PRKX: variants seen among roughly 807,000 people sequenced by gnomAD.
PRKX encodes the protein protein kinase cAMP-dependent X-linked catalytic subunit.
Under a neutral mutation model 22.0 loss-of-function variants are expected in PRKX, and 12 were observed. That is an observed-to-expected ratio of 0.54 (90% CI 0.35 to 0.88). The LOEUF (loss-of-function observed/expected upper bound fraction) is 0.88, where lower values mean the gene tolerates loss of function less well. Among genes scored for constraint, PRKX ranks in the 40% least tolerant of loss-of-function variants. The pLI, the probability that PRKX is intolerant of heterozygous loss-of-function variation, is 0.01. For synonymous variants in PRKX, 134 were observed against 137.7 expected (o/e 0.97, Z 0.19); for missense variants, 217 against 308.0 (o/e 0.70, Z 2.21).
intron 1 of PRKX, among the ~76,000 whole-genome samples, chrX:3,702,330 T>G (rs1442679427): frequency 8.8e-6 from 1 of 113,036 alleles, no homozygotes; most frequent in Non-Finnish European, 1.9e-5. Context: ...ACCCTTTTGT[T>G]CTGCAAAATG....
intron 4 of PRKX, among the ~76,000 whole-genome samples, chrX:3,637,843 C>T (rs12399027): frequency 0.27 from 28,347 of 106,212 alleles, 3,362 homozygotes; most frequent in Admixed American, 0.43. Flanking sequence ...CTCGGCTCAC[C>T]GCAACCTACC....
At chrX:3,682,769 T>C (rs933333275) in intron 1 of PRKX, among the ~76,000 whole-genome samples, 1 of 102,960 alleles carries the variant, frequency 9.7e-6, no homozygotes, top group African/African-American at 3.6e-5. Context: ...GATACAACTG[T>C]AGTGGACTGA....
At chrX:3,683,824 G>A (rs1943982375) in intron 1 of PRKX, among the ~76,000 whole-genome samples, 1 of 111,788 alleles carries the variant, frequency 8.9e-6, no homozygotes, top group African/African-American at 3.3e-5. Context: ...GGGCAACAGA[G>A]CAAGACCCTG....
In PRKX at chrX:3,678,293, T is replaced by C. The variant is rs1310010646; in HGVS notation, c.167-3527A>G. Reference sequence around the variant, plus strand: ...CCTAAAATTCTAATAATGCAATGAATATGGTCCTTGACTTTTCTTCCTCTA... The same window carrying C: ...CCTAAAATTCTAATAATGCAATGAACATGGTCCTTGACTTTTCTTCCTCTA... On this transcript the variant is annotated intron_variant, in intron 1 of 8. Coordinates refer to ENST00000262848, the MANE Select transcript of PRKX (RefSeq NM_005044.5). Among the ~76,000 whole-genome samples the C allele has an allele frequency of 3.6e-5, 4 of 112,251 alleles. No homozygotes were observed. The Admixed American group carries it at 3.8e-4, about 11-fold the overall frequency.
intron 1 of PRKX, among the ~76,000 whole-genome samples, chrX:3,680,761 G>C (rs1474291102): frequency 8.9e-6 from 1 of 111,990 alleles, no homozygotes; most frequent in Non-Finnish European, 1.9e-5. Flanking sequence ...GGGGGCTGGG[G>C]GGAATCTACA....
At chrX:3,704,384 G>A (rs929338957) in intron 1 of PRKX, among the ~76,000 whole-genome samples, 2 of 112,187 alleles carry the variant, frequency 1.8e-5, no homozygotes, top group Non-Finnish European at 3.8e-5. Context: ...CATAGGTCAG[G>A]CAGGGCGTGG....
At chrX:3,701,437 A>G (rs779053783) in intron 1 of PRKX, among the ~76,000 whole-genome samples, 43 of 112,700 alleles carry the variant, frequency 3.8e-4, no homozygotes, top group African/African-American at 1.2e-3. Context: ...TGTAAACAAA[A>G]TCAACCAGCC....
intron 1 of PRKX, among the ~76,000 whole-genome samples, chrX:3,677,889 A>T (rs1927996810): frequency 1.8e-5 from 2 of 112,429 alleles, no homozygotes; most frequent in African/African-American, 6.5e-5. Flanking sequence ...ATATTTCTTT[A>T]AAAAAAGTAA....
intron 4 of PRKX, among the ~76,000 whole-genome samples, chrX:3,626,766 C>T (rs995573485): frequency 1.6e-4 from 17 of 103,156 alleles, no homozygotes; most frequent in African/African-American, 5.1e-4. Context: ...ATTTGAGAGG[C>T]GTCTGCTGAG....
At chrX:3,639,408 T>G (rs867582943) in intron 4 of PRKX, among the ~76,000 whole-genome samples, 1 of 3,884 alleles carries the variant, frequency 2.6e-4, no homozygotes, top group Non-Finnish European at 5.0e-4. Context: ...GGTGGGGGGG[T>G]GGGTGCATGG....
At chrX:3,618,619 TTA>T (rs1491157659) in intron 6 of PRKX, among the ~76,000 whole-genome samples, 1 of 107,330 alleles carries the variant, frequency 9.3e-6, no homozygotes. Flanking sequence ...ATGTGTTAAT[TTA>T]AAAAAAAAAT....
At chrX:3,693,235 T>A (rs183807063) in intron 1 of PRKX, among the ~76,000 whole-genome samples, 249 of 111,657 alleles carry the variant, frequency 2.2e-3, no homozygotes, top group African/African-American at 7.5e-3. Context: ...AACATATCCA[T>A]AGGAGAACAT....
intron 6 of PRKX, among the ~76,000 whole-genome samples, chrX:3,617,103 C>G (rs1926438479): frequency 9.2e-6 from 1 of 108,178 alleles, no homozygotes; most frequent in Admixed American, 1.0e-4. Context: ...CATACTTATA[C>G]ACATATACAC....
chrX:3,696,943 C>G (rs1325987861), intron 1 of PRKX, among the ~76,000 whole-genome samples: 10 of 112,112 alleles, frequency 8.9e-5, no homozygotes, highest in Non-Finnish European at 1.3e-4. Context: ...TCACTTGAAC[C>G]CGGGAGGTGG....
At chrX:3,672,710 C>T (rs1305270586) in intron 2 of PRKX, among the ~76,000 whole-genome samples, 1 of 110,656 alleles carries the variant, frequency 9.0e-6, no homozygotes, top group African/African-American at 3.3e-5. Flanking sequence ...TGGAGGGACG[C>T]GGCAGACAAC....
At chrX:3,662,715 A>AAT (rs1555895647) in intron 2 of PRKX, among the ~76,000 whole-genome samples, 8 of 104,884 alleles carry the variant, frequency 7.6e-5, no homozygotes, top group Non-Finnish European at 1.6e-4. Flanking sequence ...AAAAAAAAAA[A>AAT]TTAAAAATTA....
chrX:3,647,791 C>G (rs57993720), intron 3 of PRKX, among the ~76,000 whole-genome samples: 36,220 of 108,354 alleles, frequency 0.33, 4,884 homozygotes, highest in East Asian at 0.6. Context: ...CACTGACCTT[C>G]GTGTTCAACC....
chrX:3,679,656 C>G (rs1288311520), intron 1 of PRKX, among the ~76,000 whole-genome samples: 1 of 112,156 alleles, frequency 8.9e-6, no homozygotes, highest in South Asian at 3.7e-4. Flanking sequence ...CCAGCCCAGA[C>G]TCTGCTGAGG....
intron 2 of PRKX, among the ~76,000 whole-genome samples, chrX:3,672,350 A>C (rs1244336533): frequency 1.8e-5 from 2 of 112,207 alleles, no homozygotes; most frequent in Non-Finnish European, 3.8e-5. Context: ...GAATATCAAA[A>C]TCAGAATCCA....
Sources: allele counts gnomAD v4.1 joint callset (sites outside exome capture counted in the v4.1 genomes callset), GRCh38; gene constraint gnomAD v4.1.1; transcripts MANE v1.5; gene names NCBI Gene and HGNC (gene_info 2026-07-23, HGNC 2026-07-21).